Variants in CCSER1 observed in about 807,000 individuals in gnomAD.
The protein encoded by CCSER1 is serine-rich coiled-coil domain-containing protein 1.
CCSER1 carries 41 observed loss-of-function variants against 82.0 expected under a neutral mutation model. That is an observed-to-expected ratio of 0.50 (90% CI 0.39 to 0.65). CCSER1 has a LOEUF of 0.65. Ranked by LOEUF, CCSER1 falls within the 30% of genes least tolerant of loss-of-function variation. CCSER1 has a pLI of 0.00. For synonymous variants in CCSER1, 414 were observed against 383.9 expected, an observed-to-expected ratio of 1.08 and a Z score of -0.92; for missense variants, 1,119 against 1,064.2, an observed-to-expected ratio of 1.05 and a Z score of -0.72.
At chr4:90,965,979 A>G (rs1220585778) in intron 9 of CCSER1, among the ~76,000 whole-genome samples, 1 of 152,128 alleles carries the variant, frequency 6.6e-6, no homozygotes, top group African/African-American at 2.4e-5. Flanking sequence ...AAATGAAAGT[A>G]CCTTCATGGA....
intron 5 of CCSER1, among the ~76,000 whole-genome samples, chr4:90,595,881 G>T (rs1305289044): frequency 6.6e-6 from 1 of 151,868 alleles, no homozygotes; most frequent in African/African-American, 2.4e-5. Flanking sequence ...TTATAGAATG[G>T]TATGTTGTAA....
At chr4:91,002,932 A>G (rs964702998) in intron 9 of CCSER1, among the ~76,000 whole-genome samples, 1 of 152,266 alleles carries the variant, frequency 6.6e-6, no homozygotes, top group African/African-American at 2.4e-5. Context: ...CTTTTGTCCC[A>G]CGGCATGTTC....
chr4:91,143,620 G>C (rs1003402441), intron 10 of CCSER1, among the ~76,000 whole-genome samples: 2 of 151,950 alleles, frequency 1.3e-5, no homozygotes, highest in African/African-American at 4.8e-5. Flanking sequence ...GTCATAGATG[G>C]CTCTTATTAT....
intron 10 of CCSER1, among the ~76,000 whole-genome samples, chr4:91,531,229 A>T (rs973060000): frequency 6.6e-6 from 1 of 152,176 alleles, no homozygotes; most frequent in Non-Finnish European, 1.5e-5. Context: ...CATTATGTAC[A>T]TTGTTTAAAA....
At chr4:90,487,103 G>A (rs1009172751) in intron 5 of CCSER1, among the ~76,000 whole-genome samples, 2 of 152,152 alleles carry the variant, frequency 1.3e-5, no homozygotes, top group African/African-American at 4.8e-5. Context: ...GTAGAGATGA[G>A]GTTTCACAAT....
chr4:91,323,771 C>T (rs1300829660), intron 10 of CCSER1, among the ~76,000 whole-genome samples: 1 of 152,162 alleles, frequency 6.6e-6, no homozygotes, highest in Non-Finnish European at 1.5e-5. Flanking sequence ...CTTGCTAGCG[C>T]AATGGCCTAT....
rs1553934201 is a variant in CCSER1 at position 91,411,507 on chromosome 4, T to TATATATATATATATATACACACAC, written c.2218-187048_2218-187047insCACACACATATATATATATATATA. Among the ~76,000 whole-genome samples the TATATATATATATATATACACACAC allele has an allele frequency of 1.6e-3, 106 of 67,292 alleles. 2 individuals are homozygous for TATATATATATATATATACACACAC. The highest frequency in any genetic ancestry group is 0.023 in the Middle Eastern group (2 of 88). 44.1% of individuals were successfully genotyped at this position (67,292 alleles called of 152,430 possible). A position where few individuals can be genotyped will look rare whatever the true frequency, so the allele number is the denominator to read the frequency against. On this transcript the variant is annotated intron_variant, in intron 10 of 10. Transcript: ENST00000509176. ...GCATATATACATATATATATATATA[T>TATATATATATATATATACACACAC]ATATATATATATATATATAAAATCT...
intron 4 of CCSER1, among the ~76,000 whole-genome samples, chr4:90,438,772 T>TC: frequency 7.8e-6 from 1 of 127,742 alleles, no homozygotes; most frequent in Non-Finnish European, 1.6e-5. Flanking sequence ...TCTTTTGATA[T>TC]CTTCTATCTA....
intron 4 of CCSER1, among the ~76,000 whole-genome samples, chr4:90,413,898 A>T (rs182252434): frequency 7.4e-6 from 1 of 135,574 alleles, no homozygotes; most frequent in Non-Finnish European, 1.5e-5. Flanking sequence ...GCAGTGAGCC[A>T]AGATTGCGCC....
At chr4:91,376,122 C>CA (rs1416529858) in intron 10 of CCSER1, among the ~76,000 whole-genome samples, 1 of 151,810 alleles carries the variant, frequency 6.6e-6, no homozygotes, top group Non-Finnish European at 1.5e-5. Context: ...AAATAAAACA[C>CA]AAAAATTCCG....
At chr4:90,223,923 GTAGA>G (rs1192673917) in intron 1 of CCSER1, among the ~76,000 whole-genome samples, 2 of 152,156 alleles carry the variant, frequency 1.3e-5, no homozygotes, top group African/African-American at 2.4e-5. Context: ...CTTCAAGAAG[GTAGA>G]TAATGTCTTT....
intron 10 of CCSER1, among the ~76,000 whole-genome samples, chr4:91,338,169 G>A (rs1229830261): frequency 6.6e-6 from 1 of 151,976 alleles, no homozygotes; most frequent in East Asian, 1.9e-4. Flanking sequence ...CTTTCTCTCT[G>A]GCCTAGACAT....
At chr4:91,286,954 A>G (rs966053374) in intron 10 of CCSER1, among the ~76,000 whole-genome samples, 2 of 151,832 alleles carry the variant, frequency 1.3e-5, no homozygotes, top group African/African-American at 4.8e-5. Flanking sequence ...AGGAGTAGTT[A>G]CCTAATTTAG....
chr4:90,505,964 A>T (rs116183369), intron 5 of CCSER1, among the ~76,000 whole-genome samples: 494 of 152,118 alleles, frequency 3.2e-3, no homozygotes, highest in Non-Finnish European at 5.0e-3. Context: ...CTCTCCTTCC[A>T]CAGTACTTTG....
rs148039772 is a variant in CCSER1, at chr4:90,454,866, G to A, written c.1604-13368G>A. Among the ~76,000 whole-genome samples, 1,350 of 152,222 alleles carry A rather than the reference G, an allele frequency of 8.9e-3. 10 individuals carry two copies. The highest frequency in any genetic ancestry group is 0.014 in the Non-Finnish European group (980 of 68,018). ...TCTCTCTTAATCTGCCTTAAGTTCC[G>A]TAGAGAAAAGCAAATTTGGACCTTA... On this transcript the variant is annotated intron_variant, in intron 4 of 10. Transcript: ENST00000509176.
intron 3 of CCSER1, among the ~76,000 whole-genome samples, chr4:90,351,037 G>A (rs9994642): frequency 2.6e-5 from 4 of 151,916 alleles, no homozygotes; most frequent in Non-Finnish European, 4.4e-5. Flanking sequence ...ATAATCCAGG[G>A]CATGTTCGAA....
rs961935914 is a variant in CCSER1 at position 90,936,923 on chromosome 4, T to C, written c.2172+13476T>C. ...ACAGTTATAGTCCTGGTGTTCCTTT[T>C]ATTACCTCTATTCATTTATAAAGTT... On this transcript the variant is annotated intron_variant, in intron 9 of 10. Transcript: ENST00000509176. 2.0e-5 allele frequency among the ~76,000 whole-genome samples: 3 copies of C among 152,102 alleles called. No homozygotes were observed. In the South Asian group the frequency reaches 6.2e-4, roughly 32 times the overall value.
At chr4:91,464,154 T>C (rs1756703089) in intron 10 of CCSER1, among the ~76,000 whole-genome samples, 1 of 152,178 alleles carries the variant, frequency 6.6e-6, no homozygotes, top group Admixed American at 6.5e-5. Context: ...ACAGCGGATC[T>C]CTCAGCAGAA....
intron 4 of CCSER1, among the ~76,000 whole-genome samples, chr4:90,422,210 A>G (rs1051189808): frequency 7.9e-5 from 12 of 152,184 alleles, no homozygotes; most frequent in African/African-American, 2.7e-4. Context: ...TCTGAACACA[A>G]CAACACAAAT....
Sources: gnomAD v4.1 joint callset for allele counts (sites outside exome capture counted in the v4.1 genomes callset) on GRCh38, gnomAD v4.1.1 for gene constraint, MANE v1.5 for transcripts, NCBI Gene and HGNC (gene_info 2026-07-23, HGNC 2026-07-21) for gene names.